The following ERC1 variants were observed in gnomAD, a reference collection of about 807,000 sequenced individuals.
The protein encoded by ERC1 is ELKS/RAB6-interacting/CAST family member 1.
In ERC1, 56 loss-of-function variants were observed where a neutral mutation model predicts 132.0. The observed-to-expected ratio is 0.42, with a 90% confidence interval of 0.34 to 0.53. The LOEUF is 0.53. ERC1 is among the 20% of genes least tolerant of loss of function. The pLI, the probability that ERC1 is intolerant of heterozygous loss-of-function variation, is 0.03. For missense variants in ERC1, 1,202 were observed against 1,349.9 expected (o/e 0.89, Z 1.72); for synonymous variants, 478 against 476.1 (o/e 1.00, Z -0.05).
chr12:1,211,725 A>G (rs61911960), intron 12 of ERC1, among the ~76,000 whole-genome samples: 2 of 150,124 alleles, frequency 1.3e-5, no homozygotes, highest in Admixed American at 6.6e-5. Context: ...ACGCCCAGCT[A>G]ATTTTTTTTT....
intron 1 of ERC1, among the ~76,000 whole-genome samples, chr12:1,008,488 G>T (rs894255303): frequency 6.6e-6 from 1 of 151,680 alleles, no homozygotes; most frequent in African/African-American, 2.4e-5. Context: ...TGTTGCCCAG[G>T]CTGGTCTCGA....
intron 15 of ERC1, among the ~76,000 whole-genome samples, chr12:1,295,207 T>G (rs968853901): frequency 2.0e-5 from 3 of 152,230 alleles, no homozygotes; most frequent in Admixed American, 2.0e-4. Flanking sequence ...TGTTCGTACC[T>G]GGAGAAATCA....
intron 12 of ERC1, among the ~76,000 whole-genome samples, chr12:1,193,869 A>G (rs531637671): frequency 9.2e-5 from 14 of 152,360 alleles, no homozygotes; most frequent in Admixed American, 7.8e-4. Context: ...AGCACCATCT[A>G]GATTAATATT....
At chr12:1,023,304 G>A (rs963450924) in intron 1 of ERC1, among the ~76,000 whole-genome samples, 11 of 152,312 alleles carry the variant, frequency 7.2e-5, no homozygotes, top group African/African-American at 2.6e-4. Context: ...GATAATATGT[G>A]TGTATATGGA....
chr12:1,221,950 G>A (rs1251672495), intron 12 of ERC1, among the ~76,000 whole-genome samples: 2 of 152,114 alleles, frequency 1.3e-5, no homozygotes, highest in African/African-American at 4.8e-5. Context: ...AAATATCATA[G>A]CGTATACTAA....
chr12:1,270,399 G>A (rs894899284), intron 14 of ERC1, among the ~76,000 whole-genome samples: 13 of 151,988 alleles, frequency 8.6e-5, no homozygotes, highest in East Asian at 1.9e-4. Flanking sequence ...TATTAGAGAC[G>A]AGGTTTCGTC....
chr12:1,366,649 G>GA (rs1485873193), intron 15 of ERC1, among the ~76,000 whole-genome samples: 1 of 152,168 alleles, frequency 6.6e-6, no homozygotes, highest in Non-Finnish European at 1.5e-5. Context: ...GATGACCTTG[G>GA]AAAAGTAGGA....
intron 17 of ERC1, among the ~76,000 whole-genome samples, chr12:1,438,954 A>AAAAAATATATATATAT (rs1015181197): frequency 7.0e-6 from 1 of 143,492 alleles, no homozygotes; most frequent in African/African-American, 2.6e-5. Context: ...TTTAAAAAAA[A>AAAAAATATATATATAT]ATATATATAT....
At chr12:1,391,493 T>G (rs1220419239) in intron 16 of ERC1, 2 of 152,582 alleles carry the variant, frequency 1.3e-5, no homozygotes, top group Non-Finnish European at 2.9e-5. Context: ...GAGACACGGC[T>G]GTTACTGCTC....
chr12:1,360,823 C>T (rs1344906580), intron 15 of ERC1, among the ~76,000 whole-genome samples: 1 of 152,112 alleles, frequency 6.6e-6, no homozygotes, highest in African/African-American at 2.4e-5. Context: ...TGGCTTACAC[C>T]TGTAATTCCA....
At chr12:1,003,788 A>G (rs1962930425) in intron 1 of ERC1, among the ~76,000 whole-genome samples, 1 of 152,224 alleles carries the variant, frequency 6.6e-6, no homozygotes, top group Non-Finnish European at 1.5e-5. Flanking sequence ...TAGTCGGCAG[A>G]AAGAAGAATA....
intron 15 of ERC1, among the ~76,000 whole-genome samples, chr12:1,347,436 T>C (rs909394252): frequency 1.5e-5 from 2 of 137,066 alleles, no homozygotes; most frequent in Non-Finnish European, 3.3e-5. Context: ...TAAATCAAGC[T>C]AATTAACATA....
chr12:1,369,667 G>A (rs1201981014), intron 15 of ERC1, among the ~76,000 whole-genome samples: 2 of 152,158 alleles, frequency 1.3e-5, no homozygotes, highest in African/African-American at 4.8e-5. Context: ...TCACCTTTAA[G>A]CTCATTTCAC....
chr12:1,219,248 C>T (rs1446045634), intron 12 of ERC1, among the ~76,000 whole-genome samples: 3 of 152,234 alleles, frequency 2.0e-5, no homozygotes, highest in East Asian at 1.9e-4. Flanking sequence ...ATACAAGGTG[C>T]TCCAGAATAC....
chr12:1,163,000 A>C (rs1311117925), intron 8 of ERC1, among the ~76,000 whole-genome samples: 1 of 152,206 alleles, frequency 6.6e-6, no homozygotes, highest in African/African-American at 2.4e-5. Flanking sequence ...TTGCAAAAAC[A>C]ATGCGCAGTA....
chr12:1,155,268 G>A lies in ERC1; in HGVS notation c.1737+13481G>A, dbSNP rs759826293. Among the ~76,000 whole-genome samples, 5 of 139,688 alleles carry A rather than the reference G, an allele frequency of 3.6e-5. No homozygotes were observed. In the East Asian group the frequency reaches 1.1e-3, roughly 30 times the overall value. 91.6% of individuals were successfully genotyped at this position (139,688 alleles called of 152,430 possible). A position where few individuals can be genotyped will look rare whatever the true frequency, so the allele number is the denominator to read the frequency against. ...TTGGACCTGGGAGGCAGAGGTTGCAGTGAGCCTGGATCGTGCCACTGCACT... is the reference window on the plus strand; with the variant it reads ...TTGGACCTGGGAGGCAGAGGTTGCAATGAGCCTGGATCGTGCCACTGCACT... On this transcript the variant is annotated intron_variant, in intron 8 of 18. Transcript: ENST00000360905.
At chr12:1,223,393 A>G (rs1421372650) in intron 12 of ERC1, among the ~76,000 whole-genome samples, 3 of 152,222 alleles carry the variant, frequency 2.0e-5, no homozygotes, top group African/African-American at 7.2e-5. Context: ...GTTGTTTCTT[A>G]ACATTGTGCA....
intron 15 of ERC1, among the ~76,000 whole-genome samples, chr12:1,344,606 A>G (rs920206534): frequency 2.0e-5 from 3 of 152,210 alleles, no homozygotes; most frequent in Non-Finnish European, 4.4e-5. Flanking sequence ...GATACAGTTA[A>G]AAAGAAATCT....
rs367851425 is a variant in ERC1 at position 1,315,797 on chromosome 12, A to G, written c.2780+25785A>G. Among the ~76,000 whole-genome samples the G allele has an allele frequency of 3.3e-5, 5 of 152,362 alleles. No homozygotes were observed. In the South Asian group the frequency reaches 6.2e-4, roughly 19 times the overall value. On this transcript the variant is annotated intron_variant, in intron 15 of 18. Transcript: ENST00000360905. ...ACCGATGGTATAATTGAGTTCATAG[A>G]AAGACAGTGAAGTGAATCATGGGTG... is the stretch of plus-strand genomic sequence containing the variant.
Sources: allele counts gnomAD v4.1 joint callset (sites outside exome capture counted in the v4.1 genomes callset), GRCh38; gene constraint gnomAD v4.1.1; transcripts MANE v1.5; gene names NCBI Gene and HGNC (gene_info 2026-07-23, HGNC 2026-07-21).